PARD3B: variants seen among roughly 807,000 people sequenced by gnomAD.
PARD3B encodes partitioning defective 3 homolog B.
PARD3B carries 103 observed loss-of-function variants against 130.2 expected under a neutral mutation model. The ratio of observed to expected loss-of-function variants is 0.79; its 90% CI spans 0.67 to 0.93. The LOEUF (loss-of-function observed/expected upper bound fraction) is 0.93. Ranked by LOEUF, PARD3B falls within the 40% of genes least tolerant of loss-of-function variation. The pLI, the probability that PARD3B is intolerant of heterozygous loss-of-function variation, is 0.00. For synonymous variants in PARD3B, 583 were observed against 553.2 expected (o/e 1.05, Z -0.76); for missense variants, 1,609 against 1,499.2 (o/e 1.07, Z -1.21).
At chr2:204,609,198 T>G (rs1418395858) in intron 1 of PARD3B, among the ~76,000 whole-genome samples, 1 of 152,226 alleles carries the variant, frequency 6.6e-6, no homozygotes, top group Non-Finnish European at 1.5e-5. Context: ...GTGTATCAAG[T>G]TAAAGCATAA....
intron 2 of PARD3B, among the ~76,000 whole-genome samples, chr2:204,766,020 T>C (rs1175569293): frequency 3.9e-5 from 6 of 152,200 alleles, no homozygotes; most frequent in Non-Finnish European, 7.3e-5. Flanking sequence ...AATTTTACTT[T>C]TAATGCTAGC....
At position 205,366,845 on chromosome 2, in the gene PARD3B, C is replaced by T. The variant is rs904744400; in HGVS notation, c.2631-34168C>T. Among the ~76,000 whole-genome samples, 9 of 152,130 alleles carry T rather than the reference C, an allele frequency of 5.9e-5. No homozygotes were observed. Among genetic ancestry groups the T allele is most frequent in the Admixed American group, 2.6e-4 (4 of 15,270 alleles). On this transcript the variant is annotated intron_variant, in intron 18 of 22. Coordinates refer to ENST00000406610, the MANE Select transcript of PARD3B (RefSeq NM_001302769.2). The surrounding 1 kb of genome is among the most constrained non-coding windows in gnomAD (Gnocchi z 5.0). ...CCACTAATAACTGGTGATGCTGTACCGCCACAGGTGTCAGCAGCAATAACT... is the reference window on the plus strand; with the variant it reads ...CCACTAATAACTGGTGATGCTGTACTGCCACAGGTGTCAGCAGCAATAACT...
intron 16 of PARD3B, among the ~76,000 whole-genome samples, chr2:205,256,543 T>C (rs1409538702): frequency 6.6e-6 from 1 of 152,186 alleles, no homozygotes; most frequent in Non-Finnish European, 1.5e-5. Context: ...AGATTATGGT[T>C]GGGGGTCAAA....
intron 9 of PARD3B, 88 bp downstream of exon 9, chr2:205,124,554 TTAA>T: frequency 1.1e-6 from 1 of 943,692 alleles, no homozygotes; most frequent in African/African-American, 1.7e-5. Flanking sequence ...TGTAAATATA[TTAA>T]TATTTTTATT....
chr2:205,599,489 T>G (rs765207281), intron 22 of PARD3B, among the ~76,000 whole-genome samples: 1 of 152,212 alleles, frequency 6.6e-6, no homozygotes, highest in Non-Finnish European at 1.5e-5. Flanking sequence ...GAAGTCTTTA[T>G]TGCAAGACCA....
intron 4 of PARD3B, among the ~76,000 whole-genome samples, chr2:205,060,676 A>C (rs1345306523): frequency 6.6e-6 from 1 of 152,126 alleles, no homozygotes; most frequent in Non-Finnish European, 1.5e-5. Context: ...AATAATAGTG[A>C]TAATAATGAA....
chr2:204,811,970 C>A (rs1258240721), intron 2 of PARD3B, among the ~76,000 whole-genome samples: 1 of 151,990 alleles, frequency 6.6e-6, no homozygotes, highest in African/African-American at 2.4e-5. Flanking sequence ...CATAAAAGTT[C>A]ACCGGAATTA....
chr2:204,889,772 C>G (rs1355869539), intron 2 of PARD3B, among the ~76,000 whole-genome samples: 1 of 152,178 alleles, frequency 6.6e-6, no homozygotes, highest in Non-Finnish European at 1.5e-5. Flanking sequence ...CTTAGGCTTA[C>G]TTTTTACATC....
At chr2:205,532,041 G>C (rs1458175098) in intron 21 of PARD3B, among the ~76,000 whole-genome samples, 3 of 152,114 alleles carry the variant, frequency 2.0e-5, no homozygotes, top group Non-Finnish European at 4.4e-5. Flanking sequence ...AATAATCAGT[G>C]AGTGAAAAAT....
rs1575747556 is a variant in PARD3B, at chr2:205,088,616, A to T, written c.505-15810A>T. 5.3e-5 allele frequency among the ~76,000 whole-genome samples: 8 copies of T among 152,290 alleles called. No homozygotes were observed. In the East Asian group the frequency reaches 1.5e-3, roughly 29 times the overall value. ...ACTATGTTCGGGCAAAACTCTGGGA[A>T]CAGTGAGACAAATTCATGTCACATT... On this transcript the variant is annotated intron_variant, in intron 4 of 22. Transcript: ENST00000406610.
chr2:204,702,748 G>A (rs2037953526), intron 2 of PARD3B, among the ~76,000 whole-genome samples: 1 of 151,882 alleles, frequency 6.6e-6, no homozygotes, highest in African/African-American at 2.4e-5. Flanking sequence ...CTAATTTTTT[G>A]TATTTTTAGT....
At chr2:205,481,568 A>G (rs188943696) in intron 20 of PARD3B, among the ~76,000 whole-genome samples, 57 of 152,352 alleles carry the variant, frequency 3.7e-4, no homozygotes, top group Admixed American at 8.5e-4. Context: ...TGTAAGATGC[A>G]TGGGAGAAAC....
intron 18 of PARD3B, among the ~76,000 whole-genome samples, chr2:205,337,945 C>T (rs1232419031): frequency 6.6e-6 from 1 of 151,876 alleles, no homozygotes. Flanking sequence ...GTCAAGAGTT[C>T]AAGACTAGCC....
At chr2:205,416,250 T>C (rs529097281) in intron 19 of PARD3B, among the ~76,000 whole-genome samples, 6 of 152,252 alleles carry the variant, frequency 3.9e-5, no homozygotes, top group African/African-American at 9.6e-5. Context: ...GTGTGTGATA[T>C]AGTTACATAG....
intron 2 of PARD3B, among the ~76,000 whole-genome samples, chr2:204,932,800 A>G (rs892573525): frequency 2.0e-5 from 3 of 152,190 alleles, no homozygotes; most frequent in Non-Finnish European, 2.9e-5. Context: ...AACTGTGGCT[A>G]AACCTGGATT....
chr2:204,560,448 G>A (rs564259092), intron 1 of PARD3B, among the ~76,000 whole-genome samples: 1 of 152,214 alleles, frequency 6.6e-6, no homozygotes, highest in South Asian at 2.1e-4. Flanking sequence ...GTATGATCAA[G>A]GTGCTTTGGG....
intron 16 of PARD3B, among the ~76,000 whole-genome samples, chr2:205,260,813 A>G (rs976697432): frequency 6.6e-6 from 1 of 152,066 alleles, no homozygotes; most frequent in African/African-American, 2.4e-5. Flanking sequence ...GGCTTTGCTT[A>G]AGGAAATGTA....
intron 1 of PARD3B, among the ~76,000 whole-genome samples, chr2:204,555,719 A>G (rs1161918500): frequency 6.6e-6 from 1 of 152,122 alleles, no homozygotes; most frequent in Non-Finnish European, 1.5e-5. Flanking sequence ...TCTCAGTCAC[A>G]CTGATCGCTT....
At chr2:205,014,189 G>A (rs1238609857) in intron 3 of PARD3B, among the ~76,000 whole-genome samples, 4 of 152,200 alleles carry the variant, frequency 2.6e-5, no homozygotes, top group African/African-American at 9.7e-5. Flanking sequence ...TTTGCATGCT[G>A]TCACTAGTAT....
Sources: gnomAD v4.1 joint callset for allele counts (sites outside exome capture counted in the v4.1 genomes callset) on GRCh38, gnomAD v4.1.1 for gene constraint, Gnocchi (gnomAD v3.1) non-coding constraint, MANE v1.5 for transcripts, NCBI Gene and HGNC (gene_info 2026-07-23, HGNC 2026-07-21) for gene names.